KNL1: variants seen among roughly 807,000 people sequenced by gnomAD.
The protein encoded by KNL1 is outer kinetochore KNL1 complex subunit KNL1.
In KNL1, 66 loss-of-function variants were observed where a neutral mutation model predicts 201.3. The ratio of observed to expected loss-of-function variants is 0.33; its 90% CI spans 0.27 to 0.40. KNL1 has a LOEUF of 0.40. KNL1 is among the 10% of genes least tolerant of loss of function. The probability of loss-of-function intolerance (pLI) is 1.00; values close to 1 mark genes in which losing one functional copy is unlikely to be tolerated. For missense variants in KNL1, 2,815 were observed against 2,690.5 expected (o/e 1.05, Z -1.02); for synonymous variants, 895 against 899.2 (o/e 1.00, Z 0.08).
intron 9 of KNL1, 109 bp downstream of exon 9, chr15:40,619,120 T>G (rs1892434986): frequency 1.2e-6 from 1 of 807,522 alleles, no homozygotes. Context: ...AAAAAATGAA[T>G]CAGCATAAAC....
Position 40,625,251 on chromosome 15 carries a change from T to G in KNL1, c.4987T>G (p.Cys1663Gly), listed in dbSNP as rs745824543. ...FLPRLPNKRNCSVTGIDDLEQ... is the reference protein window; with the variant it reads ...FLPRLPNKRNGSVTGIDDLEQ... ...GCCTAGATTGCCCAACAAGAGAAAT[T>G]GTAGTGTCACTGGTATTGATGACCT... is the stretch of plus-strand genomic sequence containing the variant. The change falls in exon 10 of 26, where the codon TGT (cysteine) becomes GGT (glycine). Residue 1663 changes from cysteine (C) to glycine (G), a missense_variant. Cys to Gly is a radical substitution (Grantham distance 159). Around this residue, in one of 3 missense-constraint regions of KNL1, gnomAD observed 2,464 missense variants for 2,291.7 expected, o/e 1.08. Coordinates refer to ENST00000399668, the MANE Select transcript of KNL1 (RefSeq NM_144508.5). The G allele has an allele frequency of 2.5e-6, 4 of 1,614,062 alleles. No individual in the cohort carries two copies. Among genetic ancestry groups the G allele is most frequent in the Non-Finnish European group, 3.4e-6 (4 of 1,179,966 alleles).
chr15:40,652,222 A>G (rs1428318091), intron 21 of KNL1, 117 bp downstream of exon 21: 1 of 528,186 alleles, frequency 1.9e-6, no homozygotes, highest in Admixed American at 3.2e-5. Context: ...AGCACTGCTG[A>G]AAGTCTTAGA....
At position 40,646,817 on chromosome 15, in the gene KNL1, A is replaced by G. The variant is rs34366107; in HGVS notation, c.6007-170A>G. The G allele has an allele frequency of 7.4e-6, 3 of 406,112 alleles. No homozygotes were observed. In the Admixed American group the frequency reaches 1.3e-4, roughly 17 times the overall value. The allele number at this position is 406,112 out of a possible 1,614,324, so 25.2% of individuals were successfully genotyped here. On this transcript the variant is annotated intron_variant, in intron 16 of 25. Transcript: ENST00000399668. ...GCTTGCAATGAGCCCAGATGGCGCC[A>G]CTGCACTCCAGCCTGGGTAACAGAA...
At chr15:40,614,444 G>C (rs987939931) in intron 7 of KNL1, among the ~76,000 whole-genome samples, 1 of 151,838 alleles carries the variant, frequency 6.6e-6, no homozygotes, top group African/African-American at 2.4e-5. Context: ...TGTCGGCCAA[G>C]CTAGTCTCAA....
chr15:40,631,561 C>A (rs7181074), intron 13 of KNL1, among the ~76,000 whole-genome samples: 58,894 of 151,900 alleles, frequency 0.39, 11,634 homozygotes, highest in Middle Eastern at 0.47. Context: ...GCAGTCCACC[C>A]ACCTTGGCCT....
chr15:40,636,611 T>C (rs1362714269), intron 13 of KNL1, among the ~76,000 whole-genome samples: 2 of 152,026 alleles, frequency 1.3e-5, no homozygotes, highest in Non-Finnish European at 2.9e-5. Flanking sequence ...GGAGGATCAC[T>C]TGAGGTCAGG....
intron 1 of KNL1, among the ~76,000 whole-genome samples, chr15:40,597,183 G>C (rs1891645800): frequency 6.6e-6 from 1 of 151,988 alleles, no homozygotes; most frequent in Non-Finnish European, 1.5e-5. Flanking sequence ...AAATATCCCA[G>C]GACACCATTG....
intron 10 of KNL1, among the ~76,000 whole-genome samples, chr15:40,627,283 G>C (rs1203265017): frequency 1.3e-5 from 2 of 152,142 alleles, no homozygotes; most frequent in Non-Finnish European, 2.9e-5. Flanking sequence ...GGGAGGCCAG[G>C]GCAGGTTGAT....
chr15:40,634,809 C>T (rs1364096618), intron 13 of KNL1, among the ~76,000 whole-genome samples: 1 of 152,100 alleles, frequency 6.6e-6, no homozygotes, highest in Non-Finnish European at 1.5e-5. Context: ...GGAGAGGATG[C>T]TTTAGGAATT....
chr15:40,637,174 TC>T (rs1161253427), intron 13 of KNL1, among the ~76,000 whole-genome samples: 1 of 125,884 alleles, frequency 7.9e-6, no homozygotes, highest in East Asian at 1.9e-4. Flanking sequence ...CTTTTTTCTT[TC>T]TTTTTTTTTT....
intron 1 of KNL1, among the ~76,000 whole-genome samples, chr15:40,602,002 T>C (rs1168259646): frequency 6.8e-6 from 1 of 147,252 alleles, no homozygotes; most frequent in Non-Finnish European, 1.5e-5. Context: ...CCGCCACGCC[T>C]GGCTAATTTT....
At position 40,623,347 on chromosome 15, in the gene KNL1, T is replaced by C. The variant is rs368591090; in HGVS notation, c.3083T>C (p.Val1028Ala). 6.2e-7 allele frequency: 1 copy of C among 1,613,994 alleles called. No individual in the cohort carries two copies. Among genetic ancestry groups the C allele is most frequent in the South Asian group, 1.1e-5 (1 of 91,068 alleles). Residue 1028 changes from valine to alanine, a missense_variant, in exon 10 of 26, where the codon GTA becomes GCA. This residue lies in a region of KNL1 where 2,464 missense variants were observed against 2,291.7 expected (regional missense o/e 1.08). Transcript: ENST00000399668. ...LEEWSNNRGP[V>A]EVADNMELSK... is the part of the protein sequence containing the mutation. Reference sequence around the variant, plus strand: ...GAATGGTCTAATAATAGGGGCCCTGTAGAGGTAGCTGATAACATGGAATTG... The same window carrying C: ...GAATGGTCTAATAATAGGGGCCCTGCAGAGGTAGCTGATAACATGGAATTG...
chr15:40,637,070 T>A (rs7170271), intron 13 of KNL1, among the ~76,000 whole-genome samples: 151,323 of 151,364 alleles, frequency 1, 75,642 homozygotes, highest in Middle Eastern at 1. Context: ...CCAGTTTGTT[T>A]TCTTGGGATC....
chr15:40,599,951 C>G (rs1417092169), intron 1 of KNL1, among the ~76,000 whole-genome samples: 1 of 152,042 alleles, frequency 6.6e-6, no homozygotes, highest in Non-Finnish European at 1.5e-5. Context: ...GCTGGGACTG[C>G]AGGCACATTG....
chr15:40,636,660 CT>C (rs759409125), intron 13 of KNL1, among the ~76,000 whole-genome samples: 9 of 151,986 alleles, frequency 5.9e-5, no homozygotes, highest in South Asian at 2.1e-4. Context: ...GAAACCCCCC[CT>C]CTACCAAAAA....
In KNL1 at chr15:40,622,304, TAAAC is replaced by T. The variant is rs2141721054; in HGVS notation, c.2044_2047del (p.Gln682Ter). 1.2e-6 allele frequency: 2 copies of T among 1,613,938 alleles called. No individual in the cohort carries two copies. Among genetic ancestry groups the T allele is most frequent in the Non-Finnish European group, 1.7e-6 (2 of 1,179,882 alleles). The stretch of plus-strand genomic sequence containing the variant: ...TAGTCTACTGTGGTGGAGTTCTTGA[TAAAC>T]AAATAACTAATAGAAATACAGTATC... On this transcript the variant is annotated frameshift_variant, in exon 10 of 26. Coordinates refer to ENST00000399668, the MANE Select transcript of KNL1 (RefSeq NM_144508.5). LOFTEE classifies it high-confidence loss of function.
rs1318486644 is a variant in KNL1, at chr15:40,622,596, G to A, written c.2332G>A (p.Glu778Lys). ...TGTCGTCATTGGATTTGGTCCTTCT[G>A]AACTACAAGAACTTGGTAAAACTAA... The part of the protein sequence containing the change: ...HTVVIGFGPS[E>K]LQELGKTNLE... The change falls in exon 10 of 26, where the codon GAA becomes AAA. Residue 778 changes from glutamate to lysine, a missense_variant. Glu to Lys is a moderately conservative substitution (Grantham distance 56, BLOSUM62 1). Transcript: ENST00000399668. The A allele has an allele frequency of 6.2e-7, 1 of 1,607,606 alleles. No homozygotes were observed. The highest frequency in any genetic ancestry group is 1.1e-5 in the South Asian group (1 of 90,246).
rs1175841920 is a variant in KNL1, at chr15:40,650,598, C to T, written c.6212+15C>T. On this transcript the variant is annotated intron_variant, in intron 19 of 25. Transcript: ENST00000399668. ...GAGCTTCAAAGGTCAGCCTTCAATC[C>T]AAGTGTTAGAAAATATAATGCTAAA... The T allele has an allele frequency of 3.2e-6, 5 of 1,552,324 alleles. No homozygotes were observed. In the South Asian group the frequency reaches 3.7e-5, roughly 12 times the overall value.
chr15:40,598,450 C>T (rs147918489), intron 1 of KNL1, among the ~76,000 whole-genome samples: 15 of 152,120 alleles, frequency 9.9e-5, no homozygotes, highest in African/African-American at 3.6e-4. Flanking sequence ...TGGCAGGTGC[C>T]TGTAACCCCA....
Sources: gnomAD v4.1 joint callset for allele counts (sites outside exome capture counted in the v4.1 genomes callset) on GRCh38, gnomAD v4.1.1 for gene constraint, gnomAD v4.1.1 regional missense constraint, MANE v1.5 for transcripts, NCBI Gene and HGNC (gene_info 2026-07-23, HGNC 2026-07-21) for gene names.